Variants in DOCK1 observed in about 807,000 individuals in gnomAD.
The protein encoded by DOCK1 is dedicator of cytokinesis protein 1.
A neutral mutation model predicts 262.7 loss-of-function variants in DOCK1; 138 were observed. That is an observed-to-expected ratio of 0.53 (90% CI 0.46 to 0.61). The LOEUF (loss-of-function observed/expected upper bound fraction) is 0.61, where lower values mean the gene tolerates loss of function less well. Among genes scored for constraint, DOCK1 ranks in the 20% least tolerant of loss-of-function variants. DOCK1 has a pLI of 0.00. For synonymous variants in DOCK1, 866 were observed against 867.4 expected, an observed-to-expected ratio of 1.00 and a Z score of 0.03; for missense variants, 1,908 against 2,370.7, an observed-to-expected ratio of 0.80 and a Z score of 4.05.
intron 27 of DOCK1, among the ~76,000 whole-genome samples, chr10:127,177,462 T>G (rs1253487586): frequency 6.6e-6 from 1 of 152,156 alleles, no homozygotes; most frequent in Admixed American, 6.5e-5. Context: ...GAAAATAGAG[T>G]TAAGTGTGTT....
intron 29 of DOCK1, among the ~76,000 whole-genome samples, chr10:127,292,036 T>C (rs2061361840): frequency 6.6e-6 from 1 of 152,148 alleles, no homozygotes; most frequent in African/African-American, 2.4e-5. Context: ...CCTTGGAAAG[T>C]CTGTGTGTCC....
At chr10:127,019,524 G>A (rs971584957) in intron 13 of DOCK1, among the ~76,000 whole-genome samples, 1 of 132,038 alleles carries the variant, frequency 7.6e-6, no homozygotes, top group African/African-American at 3.0e-5. Flanking sequence ...CGAGGCGGGG[G>A]GATCACTTGA....
intron 15 of DOCK1, chr10:127,026,011 G>A (rs9418710): frequency 0.16 from 37,162 of 238,358 alleles, 3,619 homozygotes; most frequent in South Asian, 0.25. Context: ...AGCCAAGATC[G>A]AGCCATTGCA....
chr10:127,211,244 G>T (rs2057959157), intron 27 of DOCK1, among the ~76,000 whole-genome samples: 1 of 152,162 alleles, frequency 6.6e-6, no homozygotes, highest in African/African-American at 2.4e-5. Context: ...AGACAGATGG[G>T]ATTTTCATGT....
At chr10:127,154,366 G>A (rs924342773) in intron 27 of DOCK1, among the ~76,000 whole-genome samples, 2 of 152,168 alleles carry the variant, frequency 1.3e-5, no homozygotes, top group African/African-American at 2.4e-5. Flanking sequence ...CCGGGGCCTG[G>A]TTTTGTCCAG....
intron 6 of DOCK1, 56 bp downstream of exon 6, chr10:126,990,659 C>T: frequency 6.4e-7 from 1 of 1,571,866 alleles, no homozygotes; most frequent in South Asian, 1.2e-5. Context: ...AATAACATCA[C>T]TATAAGTCTT....
intron 21 of DOCK1, among the ~76,000 whole-genome samples, chr10:127,051,257 A>T (rs1000797527): frequency 5.9e-5 from 9 of 152,028 alleles, no homozygotes; most frequent in African/African-American, 2.2e-4. Context: ...TGTTTTTAAA[A>T]CTAAATGTTT....
chr10:127,066,122 C>T (rs544707509), intron 23 of DOCK1, among the ~76,000 whole-genome samples: 3 of 152,252 alleles, frequency 2.0e-5, no homozygotes, highest in Admixed American at 6.5e-5. Context: ...TCCTACCTGA[C>T]AAGAGGGTCC....
intron 23 of DOCK1, among the ~76,000 whole-genome samples, chr10:127,083,920 T>TA (rs2047052926): frequency 6.6e-6 from 1 of 152,228 alleles, no homozygotes. Context: ...GTGCTGCTGA[T>TA]ACTTGTCATA....
At chr10:127,313,342 A>C (rs2720985) in intron 29 of DOCK1, among the ~76,000 whole-genome samples, 2,722 of 152,314 alleles carry the variant, frequency 0.018, 90 homozygotes, top group African/African-American at 0.063. Flanking sequence ...ACGAGTAGGC[A>C]TGCAATGACG....
intron 23 of DOCK1, among the ~76,000 whole-genome samples, chr10:127,063,008 C>T (rs529424885): frequency 1.3e-5 from 2 of 152,190 alleles, no homozygotes; most frequent in East Asian, 3.9e-4. Flanking sequence ...CCTGGGAGGC[C>T]CATGGAGCAG....
chr10:127,130,935 A>G (rs1187912738), intron 27 of DOCK1, among the ~76,000 whole-genome samples: 1 of 152,188 alleles, frequency 6.6e-6, no homozygotes, highest in Non-Finnish European at 1.5e-5. Flanking sequence ...TTAGGGAGAC[A>G]GCTGTTCAGG....
At chr10:127,034,187 C>T (rs2043430398) in intron 18 of DOCK1, among the ~76,000 whole-genome samples, 1 of 152,068 alleles carries the variant, frequency 6.6e-6, no homozygotes. Flanking sequence ...GGGCAATTTA[C>T]AAAAGAGAGA....
intron 31 of DOCK1, among the ~76,000 whole-genome samples, chr10:127,350,521 G>A (rs2063834695): frequency 6.6e-6 from 1 of 152,188 alleles, no homozygotes; most frequent in South Asian, 2.1e-4. Flanking sequence ...CCAGAGCCAA[G>A]CTGAGCCCAC....
intron 1 of DOCK1, among the ~76,000 whole-genome samples, chr10:126,941,671 C>T (rs1000087453): frequency 5.8e-4 from 89 of 152,140 alleles, no homozygotes; most frequent in African/African-American, 1.7e-3. Flanking sequence ...AGGAGAATGG[C>T]GTGAACCCGG....
In DOCK1 at chr10:127,447,385, GT is replaced by G; in HGVS notation, c.5414-5del. Reference sequence around the variant, plus strand: ...TCGGGCTGATTTTAAATAGATCCCGGTTTTCCAGGCTTGGAGCTGAACGGCA... The same window carrying G: ...TCGGGCTGATTTTAAATAGATCCCGGTTTCCAGGCTTGGAGCTGAACGGCA... On this transcript the variant is annotated splice_region_variant and splice_polypyrimidine_tract_variant and intron_variant, in intron 50 of 51. Coordinates refer to ENST00000623213, the MANE Select transcript of DOCK1 (RefSeq NM_001290223.2). The G allele has an allele frequency of 6.2e-7, 1 of 1,610,132 alleles. No homozygotes were observed. Among genetic ancestry groups the G allele is most frequent in the South Asian group, 1.1e-5 (1 of 90,182 alleles).
intron 29 of DOCK1, among the ~76,000 whole-genome samples, chr10:127,261,512 T>C (rs1211557166): frequency 1.4e-4 from 19 of 133,758 alleles, no homozygotes; most frequent in East Asian, 2.5e-4. Context: ...TGTGGGTGTG[T>C]GTGTACCTGC....
At chr10:127,255,879 T>C (rs2059811545) in intron 28 of DOCK1, among the ~76,000 whole-genome samples, 1 of 152,186 alleles carries the variant, frequency 6.6e-6, no homozygotes, top group African/African-American at 2.4e-5. Flanking sequence ...GTCGTTAAAA[T>C]GGGAAACTCT....
rs528173038 is a variant in DOCK1, at chr10:127,342,305, G to T, written c.3124-1341G>T. On this transcript the variant is annotated intron_variant, in intron 30 of 51. Transcript: ENST00000623213. ...GTCCCAAAAACAAAAGGAACGACTT[G>T]TATTTTATTGACTGGCACTCCCCTT... Among the ~76,000 whole-genome samples the T allele has an allele frequency of 2.0e-3, 306 of 152,186 alleles. 1 individual carries two copies. Among genetic ancestry groups the T allele is most frequent in the Middle Eastern group, 6.8e-3 (2 of 294 alleles).
Sources: gnomAD v4.1 joint callset for allele counts (sites outside exome capture counted in the v4.1 genomes callset) on GRCh38, gnomAD v4.1.1 for gene constraint, MANE v1.5 for transcripts, NCBI Gene and HGNC (gene_info 2026-07-23, HGNC 2026-07-21) for gene names.